SPRING1: variants seen among roughly 807,000 people sequenced by gnomAD.
SPRING1 encodes the protein SREBF pathway regulator in golgi 1.
Under a neutral mutation model 24.7 loss-of-function variants are expected in SPRING1, and 14 were observed. That is an observed-to-expected ratio of 0.57 (90% confidence interval 0.37 to 0.88). SPRING1 has a LOEUF of 0.88. Ranked by LOEUF, SPRING1 falls within the 40% of genes least tolerant of loss-of-function variation. The probability of loss-of-function intolerance (pLI) is 0.00; values close to 1 mark genes in which losing one functional copy is unlikely to be tolerated. For missense variants in SPRING1, 255 were observed against 268.4 expected, an observed-to-expected ratio of 0.95 and a Z score of 0.35; for synonymous variants, 93 against 106.1, an observed-to-expected ratio of 0.88 and a Z score of 0.76.
chr12:116,711,987 A>T lies in SPRING1; in HGVS notation c.*5823T>A, dbSNP rs922592960. The T allele has an allele frequency of 4.6e-5, 7 of 151,998 alleles. No homozygotes were observed. The highest frequency in any genetic ancestry group is 1.9e-4 in the East Asian group (1 of 5,184). 9.4% of individuals were successfully genotyped at this position (151,998 alleles called of 1,614,324 possible). A position where few individuals can be genotyped will look rare whatever the true frequency, so the allele number is the denominator to read the frequency against. Reference sequence around the variant, plus strand: ...GAAGCTTACCTACCCCACGTTGCATAAAAAAAAGTATGAATTTAAAAATTC... The same window carrying T: ...GAAGCTTACCTACCCCACGTTGCATTAAAAAAAGTATGAATTTAAAAATTC... On this transcript the variant is annotated 3_prime_UTR_variant, in exon 5 of 5. Coordinates refer to ENST00000261318, the MANE Select transcript of SPRING1 (RefSeq NM_024738.4).
chr12:116,719,860 C>T lies in SPRING1; in HGVS notation c.437G>A (p.Arg146His), dbSNP rs771325476. The T allele has an allele frequency of 3.5e-5, 56 of 1,613,938 alleles. No individual in the cohort carries two copies. The highest frequency in any genetic ancestry group is 4.6e-5 in the Non-Finnish European group (54 of 1,179,970). Residue 146 changes from arginine to histidine, a missense_variant, in exon 4 of 5, where the codon CGC becomes CAC. Coordinates refer to ENST00000261318, the MANE Select transcript of SPRING1 (RefSeq NM_024738.4). ...LQPNKQLLLE[R>H]FLNRAAVAFQ... is the part of the protein sequence containing the mutation. ...TGCCACGGCTGCCCGGTTGAGGAAG[C>T]GCTCCAGGAGAAGTTGCTATGGAAA... is the stretch of plus-strand genomic sequence containing the variant.
At chr12:116,726,031 C>T (rs1024567797) in intron 1 of SPRING1, among the ~76,000 whole-genome samples, 3 of 152,192 alleles carry the variant, frequency 2.0e-5, no homozygotes, top group African/African-American at 7.2e-5. Flanking sequence ...TAACTTCTAG[C>T]TTTTGACCTC....
In SPRING1 at chr12:116,719,789, G is replaced by A. The variant is rs758256986; in HGVS notation, c.508C>T (p.Leu170=). 9 of 1,614,168 alleles carry A rather than the reference G, an allele frequency of 5.6e-6. No homozygotes were observed. Among genetic ancestry groups the A allele is most frequent in the South Asian group, 2.2e-5 (2 of 91,072 alleles). Residue 170 remains leucine, a synonymous_variant, in exon 4 of 5, where the codon CTG becomes TTG. Transcript: ENST00000261318. Reference sequence around the variant, plus strand: ...TGAGATGAGGTCCTGCATTTGGCCAGGCACAACTCAAAGTGATCTTCGACT... The same window carrying A: ...TGAGATGAGGTCCTGCATTTGGCCAAGCACAACTCAAAGTGATCTTCGACT... ...MAVEDHFELC[L]AKCRTSSQSV...
intron 1 of SPRING1, among the ~76,000 whole-genome samples, chr12:116,723,699 C>T (rs1870550627): frequency 6.6e-6 from 1 of 152,184 alleles, no homozygotes; most frequent in South Asian, 2.1e-4. Flanking sequence ...TTTGCAGTTA[C>T]AGGTACTTTG....
rs1870834537 is a variant in SPRING1 at position 116,728,842 on chromosome 12, G to A, written c.112-5619C>T. The stretch of plus-strand genomic sequence containing the variant: ...CTGAGCAGGGACGGCCAAGTCAGAC[G>A]CATGCAGGAGCGCCTCTGCCAGAGC... On this transcript the variant is annotated intron_variant, in intron 1 of 4. Transcript: ENST00000261318. This position sits in a 1 kb window ranked among gnomAD's most constrained non-coding sequence, Gnocchi z 4.2. Among the ~76,000 whole-genome samples, 1 of 152,208 alleles carries A rather than the reference G, an allele frequency of 6.6e-6. No homozygotes were observed. Among genetic ancestry groups the A allele is most frequent in the African/African-American group, 2.4e-5 (1 of 41,458 alleles).
chr12:116,718,275 G>A (rs1208021103), intron 4 of SPRING1, among the ~76,000 whole-genome samples: 4 of 152,234 alleles, frequency 2.6e-5, no homozygotes, highest in Admixed American at 2.6e-4. Context: ...GTTCCCGTAA[G>A]GAACCCTGCA....
At position 116,730,495 on chromosome 12, in the gene SPRING1, G is replaced by C. The variant is rs560856974; in HGVS notation, c.112-7272C>G. ...CTGGGATTACAGGCTGAGCCATCAT[G>C]CCCAGCCTGTGAATATACTACAAAC... On this transcript the variant is annotated intron_variant, in intron 1 of 4. Coordinates refer to ENST00000261318, the MANE Select transcript of SPRING1 (RefSeq NM_024738.4). 8.2e-4 allele frequency among the ~76,000 whole-genome samples: 125 copies of C among 152,280 alleles called. 2 individuals are homozygous for C. The South Asian group carries it at 0.025, about 31-fold the overall frequency.
chr12:116,717,970 T>C lies in SPRING1; in HGVS notation c.535-77A>G. On this transcript the variant is annotated intron_variant, in intron 4 of 4. Coordinates refer to ENST00000261318, the MANE Select transcript of SPRING1 (RefSeq NM_024738.4). This position sits in a 1 kb window ranked among gnomAD's most constrained non-coding sequence, Gnocchi z 4.2. ...CACCTCCCTCTCGGAAGAGTGAGAG[T>C]GGATCGGGACTGTCAGACTCTCCCT... The C allele has an allele frequency of 1.6e-6, 2 of 1,256,210 alleles. No homozygotes were observed. The highest frequency in any genetic ancestry group is 2.2e-6 in the Non-Finnish European group (2 of 916,144). 77.8% of individuals were successfully genotyped at this position (1,256,210 alleles called of 1,614,324 possible).
At chr12:116,736,017 G>A (rs1027672049) in intron 1 of SPRING1, among the ~76,000 whole-genome samples, 2 of 31,804 alleles carry the variant, frequency 6.3e-5, no homozygotes, top group Non-Finnish European at 1.3e-4. Context: ...CTCCAGCCTG[G>A]GCAAGAGCAA....
chr12:116,718,416 GCAGA>G (rs1870261357), intron 4 of SPRING1, among the ~76,000 whole-genome samples: 1 of 152,262 alleles, frequency 6.6e-6, no homozygotes, highest in African/African-American at 2.4e-5. Context: ...GTGATTTAAA[GCAGA>G]CAATCATTCC....
rs201896202 is a variant in SPRING1, at chr12:116,737,823, C to A, written c.78G>T (p.Ser26=). The change falls in exon 1 of 5, where the codon TCG becomes TCT. Residue 26 remains serine (S), a synonymous_variant. Transcript: ENST00000261318. ...AGGTGCTGCTGAGGAAGTAGACGAG[C>A]GACAGCCCGAAGACCAGGGCGAGCA... is the stretch of plus-strand genomic sequence containing the variant. ...RWVLALVFGL[S]LVYFLSSTFK... 2.1e-5 allele frequency: 34 copies of A among 1,595,132 alleles called. No individual in the cohort carries two copies. In the East Asian group the frequency reaches 6.8e-4, roughly 32 times the overall value.
Position 116,717,789 on chromosome 12 carries a change from G to C in SPRING1, c.*21C>G, listed in dbSNP as rs371841873. ...TCAGCGGGGCCTCCTCACCCAGGCT[G>C]GAGCAAGTCCGCTGCACCCGTCAAG... On this transcript the variant is annotated 3_prime_UTR_variant, in exon 5 of 5. Transcript: ENST00000261318. This position sits in a 1 kb window ranked among gnomAD's most constrained non-coding sequence, Gnocchi z 4.2. The C allele has an allele frequency of 1.3e-6, 2 of 1,567,074 alleles. No individual in the cohort carries two copies. Among genetic ancestry groups the C allele is most frequent in the African/African-American group, 1.3e-5 (1 of 74,094 alleles).
Position 116,711,687 on chromosome 12 carries a change from T to C in SPRING1, c.*6123A>G, listed in dbSNP as rs1869878689. ...TGGAGCACACTGGCGCAATGACGGC[T>C]CACTGCAGCCTTGACCTCCTGGACT... On this transcript the variant is annotated 3_prime_UTR_variant, in exon 5 of 5. Coordinates refer to ENST00000261318, the MANE Select transcript of SPRING1 (RefSeq NM_024738.4). 1 of 152,256 alleles carries C rather than the reference T, an allele frequency of 6.6e-6. No homozygotes were observed. Among genetic ancestry groups the C allele is most frequent in the Non-Finnish European group, 1.5e-5 (1 of 68,158 alleles). 9.4% of individuals were successfully genotyped at this position (152,256 alleles called of 1,614,324 possible).
At chr12:116,729,010 A>T (rs1039193231) in intron 1 of SPRING1, among the ~76,000 whole-genome samples, 1 of 152,228 alleles carries the variant, frequency 6.6e-6, no homozygotes, top group African/African-American at 2.4e-5. Context: ...AAATCCTTAA[A>T]ATGTTTATTT....
At chr12:116,732,412 C>T (rs1033592868) in intron 1 of SPRING1, among the ~76,000 whole-genome samples, 2 of 151,844 alleles carry the variant, frequency 1.3e-5, no homozygotes, top group Non-Finnish European at 2.9e-5. Context: ...CCCATCTCTA[C>T]TAAAAATACA....
chr12:116,724,568 TTAGCCGGGCGTGGTGG>T (rs1162178958), intron 1 of SPRING1, among the ~76,000 whole-genome samples: 2 of 151,834 alleles, frequency 1.3e-5, no homozygotes, highest in Non-Finnish European at 2.9e-5. Flanking sequence ...AATACAAAAA[TTAGCCGGGCGTGGTGG>T]TAGAATTGCA....
At chr12:116,727,563 C>T (rs1870760030) in intron 1 of SPRING1, among the ~76,000 whole-genome samples, 2 of 150,484 alleles carry the variant, frequency 1.3e-5, no homozygotes. Context: ...CTCTTATGAA[C>T]CTCAGAAAAA....
intron 1 of SPRING1, among the ~76,000 whole-genome samples, chr12:116,733,585 T>G (rs1308596279): frequency 6.6e-6 from 1 of 152,126 alleles, no homozygotes; most frequent in Non-Finnish European, 1.5e-5. Context: ...AAAAATATTT[T>G]TGTACAGCTT....
intron 1 of SPRING1, among the ~76,000 whole-genome samples, chr12:116,733,113 AG>A (rs1352662857): frequency 1.3e-5 from 2 of 152,212 alleles, no homozygotes; most frequent in African/African-American, 4.8e-5. Flanking sequence ...AGAAGAAGGC[AG>A]GATGTGGAGG....
Sources: gnomAD v4.1 joint callset for allele counts (sites outside exome capture counted in the v4.1 genomes callset) on GRCh38, gnomAD v4.1.1 for gene constraint, Gnocchi (gnomAD v3.1) non-coding constraint, MANE v1.5 for transcripts, NCBI Gene and HGNC (gene_info 2026-07-23, HGNC 2026-07-21) for gene names.